Variants in TNR observed in about 807,000 individuals in gnomAD.
The protein encoded by TNR is tenascin R, also known as tenascin-R.
In TNR, 45 loss-of-function variants were observed where a neutral mutation model predicts 150.4. The observed-to-expected ratio is 0.30, with a 90% confidence interval of 0.24 to 0.38. TNR has a LOEUF of 0.38. TNR is among the 10% of genes least tolerant of loss of function. The pLI is 1.00. For missense variants in TNR, 1,544 were observed against 1,759.1 expected, an observed-to-expected ratio of 0.88 and a Z score of 2.19; for synonymous variants, 687 against 678.4, an observed-to-expected ratio of 1.01 and a Z score of -0.20.
At chr1:175,427,931 TGTC>T (rs756466479) in intron 2 of TNR, among the ~76,000 whole-genome samples, 2 of 146,656 alleles carry the variant, frequency 1.4e-5, no homozygotes, top group Admixed American at 6.8e-5. Flanking sequence ...CCTTCCTTCC[TGTC>T]TCCATTTCCC....
At chr1:175,485,879 A>T (rs1657992764) in intron 2 of TNR, among the ~76,000 whole-genome samples, 1 of 152,176 alleles carries the variant, frequency 6.6e-6, no homozygotes, top group Non-Finnish European at 1.5e-5. Context: ...TTTACATATA[A>T]TTTTTTATTT....
chr1:175,549,362 T>C (rs906736578), intron 1 of TNR, among the ~76,000 whole-genome samples: 2 of 152,226 alleles, frequency 1.3e-5, no homozygotes, highest in African/African-American at 4.8e-5. Context: ...GATGAGGGTA[T>C]GAGAACCTTC....
intron 1 of TNR, among the ~76,000 whole-genome samples, chr1:175,621,229 T>C (rs911196750): frequency 6.6e-6 from 1 of 152,194 alleles, no homozygotes; most frequent in Non-Finnish European, 1.5e-5. Flanking sequence ...CTCATCTCAC[T>C]GTCTACATCT....
chr1:175,632,672 A>C (rs897056840), intron 1 of TNR, among the ~76,000 whole-genome samples: 1 of 152,192 alleles, frequency 6.6e-6, no homozygotes, highest in Non-Finnish European at 1.5e-5. Flanking sequence ...TTAAATACCT[A>C]TTTAGCACTG....
At chr1:175,664,579 T>C (rs61050911) in intron 1 of TNR, among the ~76,000 whole-genome samples, 62 of 152,348 alleles carry the variant, frequency 4.1e-4, no homozygotes, top group African/African-American at 1.5e-3. Context: ...CTAGATCATC[T>C]AGCACCTGTG....
chr1:175,559,017 G>A (rs1185132581), intron 1 of TNR, among the ~76,000 whole-genome samples: 2 of 152,104 alleles, frequency 1.3e-5, no homozygotes, highest in Non-Finnish European at 2.9e-5. Context: ...CGTGTGTTGG[G>A]GTAGGGACAC....
intron 1 of TNR, among the ~76,000 whole-genome samples, chr1:175,634,812 C>T (rs1329005724): frequency 6.6e-6 from 1 of 152,112 alleles, no homozygotes; most frequent in Non-Finnish European, 1.5e-5. Flanking sequence ...TTTTGATAAA[C>T]CACACTGTCT....
At chr1:175,431,396 ATAATAATGTAAAACAGATT>A (rs2102070836) in intron 2 of TNR, among the ~76,000 whole-genome samples, 1 of 152,366 alleles carries the variant, frequency 6.6e-6, no homozygotes, top group African/African-American at 2.4e-5. Flanking sequence ...CTTGGTGGTG[ATAATAATGTAAAACAGATT>A]TAAGAACACA....
Position 175,599,850 on chromosome 1 carries a change from A to G in TNR, c.-164-71481T>C, listed in dbSNP as rs573469231. 6.6e-6 allele frequency among the ~76,000 whole-genome samples: 1 copy of G among 151,900 alleles called. No homozygotes were observed. Among genetic ancestry groups the G allele is most frequent in the East Asian group, 1.9e-4 (1 of 5,162 alleles). On this transcript the variant is annotated intron_variant, in intron 1 of 22. Coordinates refer to ENST00000367674, the MANE Select transcript of TNR (RefSeq NM_003285.3). This position sits in a 1 kb window ranked among gnomAD's most constrained non-coding sequence, Gnocchi z 4.7. ...AGCAAGGAGGGGTGATTCGGATTCA[A>G]CTCTTGCTGCAACTCGGGATGGAGG...
At chr1:175,533,559 G>A (rs1008289964) in intron 1 of TNR, among the ~76,000 whole-genome samples, 1 of 152,206 alleles carries the variant, frequency 6.6e-6, no homozygotes, top group Non-Finnish European at 1.5e-5. Context: ...AATAAAGTCA[G>A]GATGTGTGAG....
chr1:175,358,898 C>A (rs550766064), intron 15 of TNR, among the ~76,000 whole-genome samples: 1 of 152,308 alleles, frequency 6.6e-6, no homozygotes, highest in African/African-American at 2.4e-5. Context: ...CCTGTACTCT[C>A]TGTTTCAAAC....
intron 1 of TNR, among the ~76,000 whole-genome samples, chr1:175,546,371 A>T (rs1043331807): frequency 1.3e-5 from 2 of 152,216 alleles, no homozygotes; most frequent in Non-Finnish European, 2.9e-5. Flanking sequence ...AATAGGCTAC[A>T]GAGTGACAGA....
chr1:175,375,477 G>GT, intron 9 of TNR, among the ~76,000 whole-genome samples: 1 of 90,190 alleles, frequency 1.1e-5, no homozygotes, highest in East Asian at 2.4e-4. Context: ...AGAGAATAAT[G>GT]GGGGGGGAGT....
In TNR at chr1:175,379,549, C is replaced by T; in HGVS notation, c.1963+3G>A. The T allele has an allele frequency of 1.2e-6, 2 of 1,612,180 alleles. No individual in the cohort carries two copies. The highest frequency in any genetic ancestry group is 1.7e-6 in the Non-Finnish European group (2 of 1,179,512). On this transcript the variant is annotated splice_donor_region_variant and intron_variant, in intron 9 of 22. Transcript: ENST00000367674. ...ATAACCCCAAGAGATAGGTCTTACT[C>T]ACCTGTCAGGGTGGCCCTGGTGGTT...
intron 2 of TNR, among the ~76,000 whole-genome samples, chr1:175,416,840 C>G (rs1374573921): frequency 6.6e-6 from 1 of 152,088 alleles, no homozygotes; most frequent in African/African-American, 2.4e-5. Context: ...AACCCCGTCT[C>G]TACTAAAAAT....
At chr1:175,557,568 A>G (rs1478320750) in intron 1 of TNR, among the ~76,000 whole-genome samples, 2 of 152,160 alleles carry the variant, frequency 1.3e-5, no homozygotes, top group African/African-American at 4.8e-5. Context: ...AGTGTCATAC[A>G]AGATAGCCAT....
intron 5 of TNR, among the ~76,000 whole-genome samples, chr1:175,395,947 T>G (rs1417942775): frequency 6.6e-6 from 1 of 152,206 alleles, no homozygotes; most frequent in Non-Finnish European, 1.5e-5. Context: ...TGTCTCCATC[T>G]CTCTCTTTCT....
At chr1:175,346,684 T>C (rs1650800974) in intron 18 of TNR, among the ~76,000 whole-genome samples, 1 of 152,012 alleles carries the variant, frequency 6.6e-6, no homozygotes, top group South Asian at 2.1e-4. Flanking sequence ...AATGAATATA[T>C]TTCCAAAAAT....
At chr1:175,375,115 T>C (rs1652313883) in intron 9 of TNR, among the ~76,000 whole-genome samples, 1 of 152,036 alleles carries the variant, frequency 6.6e-6, no homozygotes, top group Non-Finnish European at 1.5e-5. Context: ...AAAAATCTTC[T>C]CCCTCCCTTC....
Sources: allele counts gnomAD v4.1 joint callset (sites outside exome capture counted in the v4.1 genomes callset), GRCh38; gene constraint gnomAD v4.1.1; non-coding constraint Gnocchi (gnomAD v3.1); transcripts MANE v1.5; gene names NCBI Gene and HGNC (gene_info 2026-07-23, HGNC 2026-07-21).